Variants in CCSER1 observed in about 807,000 individuals in gnomAD.
The protein encoded by CCSER1 is coiled-coil serine rich protein 1, also known as serine-rich coiled-coil domain-containing protein 1.
In CCSER1, 41 loss-of-function variants were observed where a neutral mutation model predicts 82.0. The observed-to-expected ratio is 0.50, with a 90% CI of 0.39 to 0.65. CCSER1 has a LOEUF of 0.65. CCSER1 is among the 30% of genes least tolerant of loss of function. The pLI is 0.00. For missense variants in CCSER1, 1,119 were observed against 1,064.2 expected (o/e 1.05, Z -0.72); for synonymous variants, 414 against 383.9 (o/e 1.08, Z -0.92).
chr4:91,247,692 A>G (rs1739905345), intron 10 of CCSER1, among the ~76,000 whole-genome samples: 1 of 151,952 alleles, frequency 6.6e-6, no homozygotes, highest in African/African-American at 2.4e-5. Flanking sequence ...ACATGGCGAA[A>G]CCCTGTCTCT....
chr4:90,276,079 C>A (rs1231738328), intron 1 of CCSER1, among the ~76,000 whole-genome samples: 2 of 151,982 alleles, frequency 1.3e-5, no homozygotes, highest in Non-Finnish European at 2.9e-5. Flanking sequence ...GCCTTCTAGC[C>A]CACAACCTGA....
chr4:91,016,111 T>TA (rs943770848), intron 9 of CCSER1, among the ~76,000 whole-genome samples: 13 of 152,024 alleles, frequency 8.6e-5, no homozygotes, highest in Non-Finnish European at 1.9e-4. Context: ...GAAATGTTTA[T>TA]AAAAAACTAA....
intron 8 of CCSER1, among the ~76,000 whole-genome samples, chr4:90,853,041 A>G (rs1764065987): frequency 6.6e-6 from 1 of 152,102 alleles, no homozygotes; most frequent in South Asian, 2.1e-4. Flanking sequence ...TAAAGTACGG[A>G]ATAAAGAAGT....
chr4:91,148,271 C>G (rs577402970), intron 10 of CCSER1, among the ~76,000 whole-genome samples: 3 of 152,196 alleles, frequency 2.0e-5, no homozygotes, highest in Non-Finnish European at 4.4e-5. Context: ...CTAAATTACT[C>G]TCTTCAATTG....
chr4:90,306,869 A>G (rs1734374410), intron 1 of CCSER1, among the ~76,000 whole-genome samples: 1 of 152,238 alleles, frequency 6.6e-6, no homozygotes, highest in African/African-American at 2.4e-5. Context: ...AATCAGGTAC[A>G]GTTTAAAAAT....
intron 8 of CCSER1, among the ~76,000 whole-genome samples, chr4:90,841,268 G>A (rs927914284): frequency 6.6e-6 from 1 of 152,088 alleles, no homozygotes; most frequent in South Asian, 2.1e-4. Flanking sequence ...AAACATAGAA[G>A]ACAATGCTTA....
intron 10 of CCSER1, among the ~76,000 whole-genome samples, chr4:91,441,821 C>A (rs1470425046): frequency 1.4e-5 from 2 of 143,854 alleles, no homozygotes; most frequent in Admixed American, 1.4e-4. Flanking sequence ...TTCTTATACA[C>A]CAATAACAGA....
intron 7 of CCSER1, among the ~76,000 whole-genome samples, chr4:90,734,148 T>C (rs1745258261): frequency 6.6e-6 from 1 of 152,056 alleles, no homozygotes; most frequent in East Asian, 1.9e-4. Flanking sequence ...TATTTTGAGA[T>C]GGAATCTCGC....
At chr4:91,540,381 G>T (rs1761524556) in intron 10 of CCSER1, among the ~76,000 whole-genome samples, 3 of 152,118 alleles carry the variant, frequency 2.0e-5, no homozygotes. Context: ...TCTGTGCTTT[G>T]TGTACTCTTT....
At chr4:91,598,228 A>AAAAT (rs1235281011) in intron 10 of CCSER1, among the ~76,000 whole-genome samples, 1 of 152,194 alleles carries the variant, frequency 6.6e-6, no homozygotes, top group Non-Finnish European at 1.5e-5. Context: ...ATCACTTATT[A>AAAAT]AAATAATCTG....
intron 10 of CCSER1, among the ~76,000 whole-genome samples, chr4:91,155,558 T>C (rs1271434150): frequency 1.3e-5 from 2 of 151,976 alleles, no homozygotes; most frequent in African/African-American, 4.8e-5. Flanking sequence ...TTGGGAGTCA[T>C]GAACAAGTAG....
At chr4:91,465,828 C>T (rs1325144410) in intron 10 of CCSER1, among the ~76,000 whole-genome samples, 5 of 152,052 alleles carry the variant, frequency 3.3e-5, no homozygotes, top group African/African-American at 1.2e-4. Flanking sequence ...CTGAATATAC[C>T]ACTAACAGGC....
At chr4:91,309,739 A>ACC (rs759698347) in intron 10 of CCSER1, among the ~76,000 whole-genome samples, 5 of 152,020 alleles carry the variant, frequency 3.3e-5, no homozygotes, top group Non-Finnish European at 7.4e-5. Context: ...TTTCATGTAT[A>ACC]TATAGGAATA....
chr4:91,460,138 A>G (rs1375809594), intron 10 of CCSER1, among the ~76,000 whole-genome samples: 1 of 152,178 alleles, frequency 6.6e-6, no homozygotes, highest in Non-Finnish European at 1.5e-5. Flanking sequence ...GGAGAGTTGA[A>G]AGTAAAATCA....
chr4:90,963,967 A>AT (rs1489769105), intron 9 of CCSER1, among the ~76,000 whole-genome samples: 3 of 152,038 alleles, frequency 2.0e-5, no homozygotes, highest in African/African-American at 4.8e-5. Context: ...GAAAAACAAC[A>AT]TTTTTTCTCA....
intron 10 of CCSER1, among the ~76,000 whole-genome samples, chr4:91,382,283 C>A (rs536232270): frequency 6.6e-6 from 1 of 152,144 alleles, no homozygotes. Flanking sequence ...GCCTTTTGTT[C>A]GGCTATGGCC....
chr4:90,590,704 T>C (rs1490138626), intron 5 of CCSER1, among the ~76,000 whole-genome samples: 2 of 152,168 alleles, frequency 1.3e-5, no homozygotes, highest in Admixed American at 1.3e-4. Flanking sequence ...ACTGTAGCCT[T>C]GTAGTATAGT....
In CCSER1 at chr4:90,188,433, G is replaced by C. The variant is rs138328646; in HGVS notation, c.-42+60602G>C. ...AAGTCTTCCAAGAGTTTAAAAGTAG[G>C]GTTGAATTTTGCAGAGCCACTACTT... On this transcript the variant is annotated intron_variant, in intron 1 of 10. Transcript: ENST00000509176. Among the ~76,000 whole-genome samples the C allele has an allele frequency of 2.6e-3, 395 of 151,764 alleles. 2 individuals are homozygous for C. Among genetic ancestry groups the C allele is most frequent in the African/African-American group, 9.2e-3 (381 of 41,448 alleles).
chr4:90,336,210 A>G (rs1740360594), intron 3 of CCSER1, among the ~76,000 whole-genome samples: 1 of 152,182 alleles, frequency 6.6e-6, no homozygotes, highest in African/African-American at 2.4e-5. Flanking sequence ...TATTTTGGCT[A>G]CTGACTAGGT....
Sources: allele counts gnomAD v4.1 joint callset (sites outside exome capture counted in the v4.1 genomes callset), GRCh38; gene constraint gnomAD v4.1.1; transcripts MANE v1.5; gene names NCBI Gene and HGNC (gene_info 2026-07-23, HGNC 2026-07-21).